Variants in ATR observed in about 807,000 individuals in gnomAD.
The protein encoded by ATR is ATR checkpoint kinase, also known as serine/threonine-protein kinase ATR.
A neutral mutation model predicts 305.3 loss-of-function variants in ATR; 142 were observed. That is an observed-to-expected ratio of 0.47 (90% CI 0.41 to 0.53). The LOEUF is 0.53. ATR is among the 20% of genes least tolerant of loss of function. The pLI is 0.00. For missense variants in ATR, 2,135 were observed against 3,133.1 expected (o/e 0.68, Z 7.60); for synonymous variants, 1,050 against 1,068.1 (o/e 0.98, Z 0.33).
chr3:142,460,442 T>C (rs1410475778), intron 42 of ATR, among the ~76,000 whole-genome samples: 2 of 151,984 alleles, frequency 1.3e-5, no homozygotes, highest in African/African-American at 2.4e-5. Context: ...GGTGTTCTTA[T>C]GAGAAAATAG....
chr3:142,572,271 A>C lies in ATR; in HGVS notation c.60-4117T>G, dbSNP rs893994682. On this transcript the variant is annotated intron_variant, in intron 1 of 46. Transcript: ENST00000350721. Reference sequence around the variant, plus strand: ...TTTTTAGTAGAGACGGGGTTGCACCATGTTAGCCAGGATGGTTTCGATTTA... The same window carrying C: ...TTTTTAGTAGAGACGGGGTTGCACCCTGTTAGCCAGGATGGTTTCGATTTA... Among the ~76,000 whole-genome samples the C allele has an allele frequency of 2.1e-5, 3 of 143,936 alleles. No individual in the cohort carries two copies. In the Admixed American group the frequency reaches 2.1e-4, roughly 10 times the overall value. The allele number at this position is 143,936 out of a possible 152,430, so 94.4% of individuals were successfully genotyped here.
chr3:142,485,023 C>G (rs2030820357), intron 36 of ATR, 117 bp downstream of exon 36: 2 of 1,451,624 alleles, frequency 1.4e-6, no homozygotes, highest in Non-Finnish European at 9.6e-7. Context: ...AGGTGATACA[C>G]TGAATCAGTC....
chr3:142,574,719 T>C (rs2035382780), intron 1 of ATR, among the ~76,000 whole-genome samples: 1 of 152,162 alleles, frequency 6.6e-6, no homozygotes, highest in South Asian at 2.1e-4. Flanking sequence ...GTAATTATGG[T>C]TAAGAACTGA....
intron 21 of ATR, 103 bp from the exon 22 acceptor site, chr3:142,524,302 A>T: frequency 8.7e-7 from 1 of 1,145,860 alleles, no homozygotes; most frequent in Non-Finnish European, 1.2e-6. Context: ...TAACATAAAT[A>T]TTGACAAAAT....
chr3:142,482,635 C>G (rs1462901105), intron 36 of ATR, among the ~76,000 whole-genome samples: 2 of 152,048 alleles, frequency 1.3e-5, no homozygotes, highest in African/African-American at 4.8e-5. Context: ...AGCTCAAGAT[C>G]AGCCTGAGCA....
intron 26 of ATR, 109 bp downstream of exon 26, chr3:142,513,392 C>T (rs1445016674): frequency 2.4e-6 from 3 of 1,272,602 alleles, no homozygotes; most frequent in South Asian, 1.2e-5. Flanking sequence ...ACATACATAG[C>T]CATACATAGG....
chr3:142,567,624 T>C (rs1024035281), intron 2 of ATR, among the ~76,000 whole-genome samples: 3 of 152,210 alleles, frequency 2.0e-5, no homozygotes, highest in African/African-American at 4.8e-5. Flanking sequence ...CAGGCAATAA[T>C]TGATTCAGTA....
chr3:142,493,375 G>A, intron 34 of ATR, 64 bp from the exon 35 acceptor site: 1 of 1,460,166 alleles, frequency 6.8e-7, no homozygotes, highest in Non-Finnish European at 9.3e-7. Flanking sequence ...TTCTGCAAAA[G>A]TATTAGTTCA....
Position 142,515,603 on chromosome 3 carries a change from C to A in ATR, c.4383-88G>T. 7 of 1,365,392 alleles carry A rather than the reference C, an allele frequency of 5.1e-6. No homozygotes were observed. In the South Asian group the frequency reaches 8.7e-5, roughly 17 times the overall value. 84.6% of individuals were successfully genotyped at this position (1,365,392 alleles called of 1,614,324 possible). ...TACAGCAACTCCTTCAGTTGACTAC[C>A]TCAGTACTGCCTTGCCTTTACTGCA... On this transcript the variant is annotated intron_variant, in intron 24 of 46. Transcript: ENST00000350721.
At chr3:142,577,417 A>G (rs998748383) in intron 1 of ATR, among the ~76,000 whole-genome samples, 3 of 152,254 alleles carry the variant, frequency 2.0e-5, no homozygotes. Flanking sequence ...CCAACTTCCT[A>G]CAATGATCAC....
chr3:142,525,973 A>T (rs1379427350), intron 21 of ATR, among the ~76,000 whole-genome samples: 1 of 152,208 alleles, frequency 6.6e-6, no homozygotes, highest in Non-Finnish European at 1.5e-5. Context: ...ATTCCTTTAC[A>T]GCAAAGCAAA....
chr3:142,541,972 G>A (rs2034067944), intron 17 of ATR, among the ~76,000 whole-genome samples: 1 of 151,994 alleles, frequency 6.6e-6, no homozygotes, highest in Admixed American at 6.6e-5. Context: ...GACTGCAGAG[G>A]TGGAAAGCAA....
intron 46 of ATR, chr3:142,451,199 G>A (rs1456219789): frequency 3.4e-6 from 4 of 1,186,584 alleles, no homozygotes; most frequent in Non-Finnish European, 4.2e-6. Context: ...GGGGATCGAG[G>A]TGCAGTACCA....
In ATR at chr3:142,507,868, C is replaced by A. The variant is rs964815969; in HGVS notation, c.5031+63G>T. On this transcript the variant is annotated intron_variant, in intron 28 of 46. Coordinates refer to ENST00000350721, the MANE Select transcript of ATR (RefSeq NM_001184.4). ...ATAAAACATTCAATAAAATGAACAA[C>A]ATAAACATAAAAGACTGGCCACATT... 7.7e-6 allele frequency: 11 copies of A among 1,426,236 alleles called. No homozygotes were observed. The East Asian group carries it at 2.3e-4, about 30-fold the overall frequency. The allele number at this position is 1,426,236 out of a possible 1,614,324, so 88.3% of individuals were successfully genotyped here.
At chr3:142,496,545 T>C in intron 33 of ATR, 25 bp from the exon 34 acceptor site, 2 of 1,601,642 alleles carry the variant, frequency 1.2e-6, no homozygotes, top group Non-Finnish European at 1.7e-6. Context: ...AACACATTGG[T>C]GAGAGAGACC....
At chr3:142,564,815 G>C (rs572345799) in intron 3 of ATR, among the ~76,000 whole-genome samples, 1 of 151,840 alleles carries the variant, frequency 6.6e-6, no homozygotes, top group African/African-American at 2.4e-5. Context: ...GCAACGGCAT[G>C]GTCTTAGCTC....
At chr3:142,458,928 C>T (rs2108259676) in intron 44 of ATR, 30 bp downstream of exon 44, 1 of 1,609,098 alleles carries the variant, frequency 6.2e-7, no homozygotes, top group Non-Finnish European at 8.5e-7. Context: ...AGAGAAAACA[C>T]AATTAGTAAG....
intron 46 of ATR, chr3:142,450,169 T>A: frequency 9.9e-6 from 4 of 405,800 alleles, no homozygotes; most frequent in Non-Finnish European, 1.4e-5. Flanking sequence ...TGCTGTGCCA[T>A]CTGCCATCGA....
At position 142,563,672 on chromosome 3, in the gene ATR, T is replaced by C. The variant is rs544311692; in HGVS notation, c.293-563A>G. Among the ~76,000 whole-genome samples the C allele has an allele frequency of 9.9e-5, 15 of 152,246 alleles. No homozygotes were observed. In the South Asian group the frequency reaches 2.3e-3, roughly 23 times the overall value. Reference sequence around the variant, plus strand: ...TTAATAACCCTTACAATGGCCTCTATGTGTTCAAATGAAAGGAAGAGTCAC... The same window carrying C: ...TTAATAACCCTTACAATGGCCTCTACGTGTTCAAATGAAAGGAAGAGTCAC... On this transcript the variant is annotated intron_variant, in intron 3 of 46. Transcript: ENST00000350721.
Sources: allele counts gnomAD v4.1 joint callset (sites outside exome capture counted in the v4.1 genomes callset), GRCh38; gene constraint gnomAD v4.1.1; transcripts MANE v1.5; gene names NCBI Gene and HGNC (gene_info 2026-07-23, HGNC 2026-07-21).